Variants in WDR72 observed in about 807,000 individuals in gnomAD.
WDR72 encodes the protein WD repeat domain 72, also known as WD repeat-containing protein 72.
WDR72 carries 120 observed loss-of-function variants against 124.2 expected under a neutral mutation model. The observed-to-expected ratio is 0.97, with a 90% confidence interval of 0.83 to 1.12. WDR72 has a LOEUF of 1.12. Among genes scored for constraint, WDR72 ranks in the 50% most tolerant of loss-of-function variants. The pLI is 0.00. For synonymous variants in WDR72, 452 were observed against 441.7 expected, an observed-to-expected ratio of 1.02 and a Z score of -0.29; for missense variants, 1,387 against 1,278.8, an observed-to-expected ratio of 1.08 and a Z score of -1.29.
intron 1 of WDR72, chr15:53,756,549 T>C (rs987572919): frequency 1.3e-5 from 2 of 152,136 alleles, no homozygotes; most frequent in Non-Finnish European, 2.9e-5. Flanking sequence ...CTTATTGTTT[T>C]AAACACTTAC....
chr15:53,629,386 T>A (rs538352234), intron 14 of WDR72, among the ~76,000 whole-genome samples: 24 of 151,462 alleles, frequency 1.6e-4, no homozygotes, highest in African/African-American at 5.8e-4. Context: ...ATAAAATCAG[T>A]GCCACAGAAG....
At chr15:53,721,134 G>T (rs1471643341) in intron 3 of WDR72, among the ~76,000 whole-genome samples, 1 of 152,146 alleles carries the variant, frequency 6.6e-6, no homozygotes, top group East Asian at 1.9e-4. Flanking sequence ...AACCTCAAAA[G>T]CACAAAGTTC....
chr15:53,563,677 A>AT (rs922330166), intron 18 of WDR72, among the ~76,000 whole-genome samples: 13 of 151,328 alleles, frequency 8.6e-5, no homozygotes, highest in South Asian at 2.1e-4. Flanking sequence ...AATTTTTAAG[A>AT]TTTTTTTTTA....
chr15:53,718,883 TGAAAA>T (rs1401988074), intron 3 of WDR72, among the ~76,000 whole-genome samples: 5 of 150,856 alleles, frequency 3.3e-5, no homozygotes, highest in Non-Finnish European at 5.9e-5. Context: ...TTTATTTCAA[TGAAAA>T]GAAAACAGCA....
intron 18 of WDR72, among the ~76,000 whole-genome samples, chr15:53,590,450 T>G (rs984792283): frequency 6.6e-6 from 1 of 152,110 alleles, no homozygotes; most frequent in East Asian, 1.9e-4. Flanking sequence ...CCAATATCTG[T>G]TAATTGATTT....
At chr15:53,599,778 C>T (rs2140343528) in intron 17 of WDR72, among the ~76,000 whole-genome samples, 1 of 135,428 alleles carries the variant, frequency 7.4e-6, no homozygotes, top group East Asian at 2.0e-4. Flanking sequence ...GATAATCATT[C>T]CTTCTTAAAA....
At chr15:53,666,292 T>C (rs2015777904) in intron 13 of WDR72, among the ~76,000 whole-genome samples, 2 of 152,302 alleles carry the variant, frequency 1.3e-5, no homozygotes, top group South Asian at 2.1e-4. Flanking sequence ...ATTGTTGGTA[T>C]TGTTGTGATT....
chr15:53,697,963 C>T (rs1027125744), intron 13 of WDR72, among the ~76,000 whole-genome samples: 1 of 152,166 alleles, frequency 6.6e-6, no homozygotes, highest in Non-Finnish European at 1.5e-5. Flanking sequence ...TGCCCGCCAC[C>T]ATGCCCGGCT....
In WDR72 at chr15:53,665,318, T is replaced by C. The variant is rs114051822; in HGVS notation, c.1962+254A>G. 2.0e-3 allele frequency among the ~76,000 whole-genome samples: 306 copies of C among 152,268 alleles called. 2 individuals are homozygous for C. Among genetic ancestry groups the C allele is most frequent in the African/African-American group, 7.1e-3 (296 of 41,558 alleles). ...TTTCCCTTCCTTATGTTAAATCACC[T>C]AGGATTCAAGGGTTAATATAAAATT... On this transcript the variant is annotated intron_variant, in intron 14 of 19. Coordinates refer to ENST00000360509, the MANE Select transcript of WDR72 (RefSeq NM_182758.4).
intron 13 of WDR72, among the ~76,000 whole-genome samples, chr15:53,692,094 A>G (rs866086963): frequency 6.6e-6 from 1 of 152,226 alleles, no homozygotes; most frequent in Admixed American, 6.5e-5. Context: ...TAATTATGAG[A>G]GGTGAAGTGC....
intron 13 of WDR72, among the ~76,000 whole-genome samples, chr15:53,686,042 C>G (rs1411616987): frequency 6.7e-6 from 1 of 150,134 alleles, no homozygotes; most frequent in Non-Finnish European, 1.5e-5. Flanking sequence ...GCCTGCCTTA[C>G]AAGAGCTCCT....
chr15:53,631,285 C>T (rs1023784743), intron 14 of WDR72, among the ~76,000 whole-genome samples: 6 of 152,184 alleles, frequency 3.9e-5, no homozygotes, highest in Non-Finnish European at 8.8e-5. Context: ...GTCCTGCTTT[C>T]CCTTTGCCTT....
At chr15:53,557,285 A>G (rs1328629324) in intron 18 of WDR72, among the ~76,000 whole-genome samples, 2 of 152,084 alleles carry the variant, frequency 1.3e-5, no homozygotes, top group Non-Finnish European at 2.9e-5. Flanking sequence ...TGTGTTCAGC[A>G]TTTATTAAAT....
At chr15:53,621,256 T>G (rs931998158) in intron 14 of WDR72, among the ~76,000 whole-genome samples, 1 of 151,640 alleles carries the variant, frequency 6.6e-6, no homozygotes, top group African/African-American at 2.4e-5. Flanking sequence ...GAACTAAAAG[T>G]AGAACTACTA....
chr15:53,718,954 T>C (rs536862391), intron 3 of WDR72, among the ~76,000 whole-genome samples: 1 of 152,186 alleles, frequency 6.6e-6, no homozygotes, highest in East Asian at 1.9e-4. Context: ...TCACTACAAA[T>C]TCCTTGAAAA....
intron 18 of WDR72, among the ~76,000 whole-genome samples, chr15:53,526,430 G>T (rs1892121575): frequency 6.6e-6 from 1 of 152,060 alleles, no homozygotes; most frequent in African/African-American, 2.4e-5. Flanking sequence ...TAGTGCCACA[G>T]ATATAGTTGT....
chr15:53,536,251 C>A (rs1243022872), intron 18 of WDR72, among the ~76,000 whole-genome samples: 1 of 152,116 alleles, frequency 6.6e-6, no homozygotes, highest in Non-Finnish European at 1.5e-5. Flanking sequence ...TGTCACCATC[C>A]CAGTAGCGTG....
At position 53,700,885 on chromosome 15, in the gene WDR72, G is replaced by A. The variant is rs140307702; in HGVS notation, c.1570-940C>T. Among the ~76,000 whole-genome samples, 227 of 152,180 alleles carry A rather than the reference G, an allele frequency of 1.5e-3. 4 individuals carry two copies. The highest frequency in any genetic ancestry group is 0.012 in the Admixed American group (185 of 15,282). ...TTCCTGGAGAACCTGCCCATCCCAC[G>A]GCTTCTAGAACAGGCAGCCCAACGT... On this transcript the variant is annotated intron_variant, in intron 12 of 19. Coordinates refer to ENST00000360509, the MANE Select transcript of WDR72 (RefSeq NM_182758.4).
chr15:53,519,981 A>C (rs769468040), intron 19 of WDR72, among the ~76,000 whole-genome samples: 3 of 152,244 alleles, frequency 2.0e-5, no homozygotes, highest in Non-Finnish European at 2.9e-5. Flanking sequence ...ATTTTATATA[A>C]ATTCAAGCAA....
Sources: allele counts gnomAD v4.1 joint callset (sites outside exome capture counted in the v4.1 genomes callset), GRCh38; gene constraint gnomAD v4.1.1; transcripts MANE v1.5; gene names NCBI Gene and HGNC (gene_info 2026-07-23, HGNC 2026-07-21).